Variants in NEB observed in about 807,000 individuals in gnomAD.
The protein encoded by NEB is nemaline myopathy type 2.
NEB carries 512 observed loss-of-function variants against 952.2 expected under a neutral mutation model. The ratio of observed to expected loss-of-function variants is 0.54; its 90% CI spans 0.50 to 0.58. NEB has a LOEUF of 0.58. Among genes scored for constraint, NEB ranks in the 20% least tolerant of loss-of-function variants. The probability of loss-of-function intolerance (pLI) is 0.00; values close to 1 mark genes in which losing one functional copy is unlikely to be tolerated. For missense variants in NEB, 8,428 were observed against 9,231.1 expected (o/e 0.91, Z 3.56); for synonymous variants, 2,900 against 3,149.8 (o/e 0.92, Z 2.66).
chr2:151,629,208 CATTTTCT>C (rs1406004718), intron 68 of NEB, among the ~76,000 whole-genome samples: 64 of 152,176 alleles, frequency 4.2e-4, no homozygotes, highest in African/African-American at 1.3e-3. Flanking sequence ...CCTCTTTTGC[CATTTTCT>C]ATTTTCTGTG....
intron 124 of NEB, among the ~76,000 whole-genome samples, chr2:151,558,023 A>G (rs753484461): frequency 3.2e-4 from 49 of 152,196 alleles, no homozygotes; most frequent in Non-Finnish European, 4.6e-4. Flanking sequence ...GGCCAGGGCA[A>G]TGAGGCAAGA....
At chr2:151,632,527 A>G (rs2098689484) in intron 65 of NEB, among the ~76,000 whole-genome samples, 1 of 151,920 alleles carries the variant, frequency 6.6e-6, no homozygotes, top group Non-Finnish European at 1.5e-5. Context: ...AATACAAAAA[A>G]TTAGTGGGGC....
chr2:151,650,615 C>G lies in NEB; in HGVS notation c.7186G>C (p.Asp2396His). The G allele has an allele frequency of 6.2e-7, 1 of 1,603,988 alleles. No individual in the cohort carries two copies. Among genetic ancestry groups the G allele is most frequent in the Non-Finnish European group, 8.5e-7 (1 of 1,174,438 alleles). The change falls in exon 53 of 182, where the codon GAT becomes CAT. Residue 2396 changes from aspartate (D) to histidine (H), a missense_variant. Physicochemically the swap from Asp to His is moderately conservative, Grantham distance 81. Around this residue, in one of 11 missense-constraint regions of NEB, gnomAD observed 1,772 missense variants for 1,960.3 expected, o/e 0.90. Transcript: ENST00000397345. ...TAAACTTTCTTAGCTTGCACAACAT[C>G]GTTCTGATCAGGCAGACATGTCCAC... ...HQWTCLPDQN[D>H]VVQAKKVYEL...
In NEB at chr2:151,688,255, T is replaced by C. The variant is rs137861708; in HGVS notation, c.2415+37A>G. On this transcript the variant is annotated intron_variant, in intron 25 of 181. Transcript: ENST00000397345. Reference sequence around the variant, plus strand: ...ATTTAAAACATTTTCTCTTTTCATGTACACCAAACATAGGCTTCTGTGGCT... The same window carrying C: ...ATTTAAAACATTTTCTCTTTTCATGCACACCAAACATAGGCTTCTGTGGCT... 344 of 1,443,176 alleles carry C rather than the reference T, an allele frequency of 2.4e-4. 2 individuals are homozygous for C. The African/African-American group carries it at 3.6e-3, about 15-fold the overall frequency. 89.4% of individuals were successfully genotyped at this position (1,443,176 alleles called of 1,614,324 possible). A position where few individuals can be genotyped will look rare whatever the true frequency, so the allele number is the denominator to read the frequency against.
chr2:151,609,571 A>C (rs1164207600), intron 81 of NEB, among the ~76,000 whole-genome samples: 1 of 152,210 alleles, frequency 6.6e-6, no homozygotes, highest in Admixed American at 6.5e-5. Flanking sequence ...ATCTAGCATA[A>C]TAGCAACAAT....
intron 10 of NEB, among the ~76,000 whole-genome samples, chr2:151,715,522 G>A (rs2099756726): frequency 6.6e-6 from 1 of 152,142 alleles, no homozygotes; most frequent in Non-Finnish European, 1.5e-5. Flanking sequence ...CATGAGGGTG[G>A]GAACCCCATA....
At chr2:151,550,418 A>G (rs2095245940) in intron 129 of NEB, among the ~76,000 whole-genome samples, 1 of 152,108 alleles carries the variant, frequency 6.6e-6, no homozygotes, top group South Asian at 2.1e-4. Flanking sequence ...TCAGGTGATG[A>G]TATGCAAGCC....
At chr2:151,497,866 T>C in intron 170 of NEB, 148 bp from the exon 171 acceptor site, 1 of 1,508,146 alleles carries the variant, frequency 6.6e-7, no homozygotes, top group Non-Finnish European at 8.8e-7. Context: ...GTGGAAGCTG[T>C]TGTTGGGATA....
At chr2:151,532,181 CCACCTCCCAGATT>C (rs1343089614) in intron 143 of NEB, 2 of 250,638 alleles carry the variant, frequency 8.0e-6, no homozygotes, top group African/African-American at 4.5e-5. Flanking sequence ...ACTGCAACCT[CCACCTCCCAGATT>C]CAAGCAATTC....
intron 71 of NEB, among the ~76,000 whole-genome samples, chr2:151,623,194 C>A (rs916990309): frequency 6.6e-6 from 1 of 152,194 alleles, no homozygotes; most frequent in African/African-American, 2.4e-5. Context: ...ACAATTTAAT[C>A]TTTAATTTCA....
chr2:151,668,240 A>C (rs1271640653), intron 39 of NEB, among the ~76,000 whole-genome samples: 1 of 152,158 alleles, frequency 6.6e-6, no homozygotes, highest in African/African-American at 2.4e-5. Flanking sequence ...CTTTTCTATA[A>C]TAAATATATA....
At chr2:151,545,813 CT>C in intron 135 of NEB, 74 bp downstream of exon 135, 1 of 883,224 alleles carries the variant, frequency 1.1e-6, no homozygotes, top group South Asian at 1.7e-5. Context: ...ACTAGAGGAA[CT>C]AAGAGCCTTG....
Position 151,680,731 on chromosome 2 carries a change from T to G in NEB, c.3041A>C (p.Asp1014Ala). 3 of 1,583,500 alleles carry G rather than the reference T, an allele frequency of 1.9e-6. No homozygotes were observed. Among genetic ancestry groups the G allele is most frequent in the Non-Finnish European group, 2.6e-6 (3 of 1,154,122 alleles). ...QSKINQAQRS[D>A]IAYKAKGEEI... ...CATATAGATAGCATTAACACTTACA[T>G]CACTCCTCTGGGCCTGGTTAATTTT... is the stretch of plus-strand genomic sequence containing the variant. The change falls in exon 30 of 182, where the codon GAT becomes GCT. Residue 1014 changes from aspartate (D) to alanine (A), a missense_variant and splice_region_variant. Physicochemically the swap from Asp to Ala is moderately radical, Grantham distance 126. Around this residue, in one of 11 missense-constraint regions of NEB, gnomAD observed 2,851 missense variants for 2,791.5 expected, o/e 1.02. Transcript: ENST00000397345.
At chr2:151,498,185 C>T (rs1349202436) in intron 170 of NEB, 75 bp downstream of exon 170, 1 of 1,547,200 alleles carries the variant, frequency 6.5e-7, no homozygotes, top group Admixed American at 2.0e-5. Flanking sequence ...GGGCTTCAAA[C>T]AAAAATAAAT....
chr2:151,640,263 G>A (rs1008476729), intron 61 of NEB, 92 bp downstream of exon 61: 8 of 1,548,222 alleles, frequency 5.2e-6, no homozygotes, highest in Middle Eastern at 3.5e-4. Context: ...TCCTCCAGGG[G>A]CTGGTGAGCT....
chr2:151,666,391 T>C lies in NEB; in HGVS notation c.4730A>G (p.Lys1577Arg). 1 of 1,613,318 alleles carries C rather than the reference T, an allele frequency of 6.2e-7. No homozygotes were observed. Among genetic ancestry groups the C allele is most frequent in the Non-Finnish European group, 8.5e-7 (1 of 1,179,648 alleles). The change falls in exon 41 of 182, where the codon AAG (lysine) becomes AGG (arginine). Residue 1577 changes from lysine to arginine, a missense_variant. Coordinates refer to ENST00000397345, the MANE Select transcript of NEB (RefSeq NM_001164508.2). ...GCCTTTGGCTTTCTCGTAGGCCTCC[T>C]TATATTTGCACTATTTGAAAACAAA... The part of the protein sequence containing the change: ...SRNIASDCKY[K>R]EAYEKAKGKQ...
intron 45 of NEB, among the ~76,000 whole-genome samples, 163 bp downstream of exon 45, chr2:151,663,385 T>C (rs1169536804): frequency 6.6e-6 from 1 of 152,198 alleles, no homozygotes. Context: ...ATTGATCTCC[T>C]TTTGTTAAAG....
Position 151,519,812 on chromosome 2 carries a change from C to T in NEB, c.22480-44G>A, listed in dbSNP as rs372123788. 1.6e-5 allele frequency: 21 copies of T among 1,319,256 alleles called. No homozygotes were observed. The African/African-American group carries it at 2.8e-4, about 17-fold the overall frequency. 81.7% of individuals were successfully genotyped at this position (1,319,256 alleles called of 1,614,324 possible). A position where few individuals can be genotyped will look rare whatever the true frequency, so the allele number is the denominator to read the frequency against. On this transcript the variant is annotated intron_variant, in intron 153 of 181. Transcript: ENST00000397345. ...ATCCAAATTATTCCTGGACATCAAT[C>T]AATTTGGGAATTGGGGAATAGTAGA...
intron 34 of NEB, among the ~76,000 whole-genome samples, chr2:151,676,871 T>C (rs2099364317): frequency 6.6e-6 from 1 of 152,204 alleles, no homozygotes; most frequent in Non-Finnish European, 1.5e-5. Flanking sequence ...CTCATCTATT[T>C]CATCTTTATG....
Sources: gnomAD v4.1 joint callset for allele counts (sites outside exome capture counted in the v4.1 genomes callset) on GRCh38, gnomAD v4.1.1 for gene constraint, gnomAD v4.1.1 regional missense constraint, MANE v1.5 for transcripts, NCBI Gene and HGNC (gene_info 2026-07-23, HGNC 2026-07-21) for gene names.